NSF: variants seen among roughly 807,000 people sequenced by gnomAD.
The protein encoded by NSF is N-ethylmaleimide sensitive factor, vesicle fusing ATPase.
Under a neutral mutation model 50.3 loss-of-function variants are expected in NSF, and 14 were observed. That is an observed-to-expected ratio of 0.28 (90% confidence interval 0.18 to 0.44). The LOEUF is 0.44. Among genes scored for constraint, NSF ranks in the 20% least tolerant of loss-of-function variants. The probability of loss-of-function intolerance (pLI) is 1.00; values close to 1 mark genes in which losing one functional copy is unlikely to be tolerated. For missense variants in NSF, 218 were observed against 504.3 expected (o/e 0.43, Z 5.44); for synonymous variants, 109 against 175.7 (o/e 0.62, Z 3.00).
chr17:46,749,950 A>G, intron 18 of NSF, 43 bp downstream of exon 18: 1 of 1,596,366 alleles, frequency 6.3e-7, no homozygotes, highest in South Asian at 1.1e-5. Flanking sequence ...ATAAGAAAGG[A>G]ATTGAGGCTG....
chr17:46,721,209 C>T (rs1423877471), intron 15 of NSF, among the ~76,000 whole-genome samples: 1 of 152,236 alleles, frequency 6.6e-6, no homozygotes, highest in Non-Finnish European at 1.5e-5. Context: ...CCCCTCCAGC[C>T]TGTGTCGTAC....
chr17:46,745,549 G>A (rs936416742), intron 17 of NSF, among the ~76,000 whole-genome samples: 1 of 152,304 alleles, frequency 6.6e-6, no homozygotes, highest in South Asian at 2.1e-4. Context: ...AACTGGCAGC[G>A]ATTTTAAAAG....
chr17:46,745,990 G>A (rs940584510), intron 17 of NSF, among the ~76,000 whole-genome samples: 11 of 152,008 alleles, frequency 7.2e-5, no homozygotes, highest in African/African-American at 2.4e-4. Context: ...CATTCCTTAC[G>A]ACTCAACTCA....
At chr17:46,723,313 T>C (rs1340252365) in intron 15 of NSF, among the ~76,000 whole-genome samples, 1 of 152,214 alleles carries the variant, frequency 6.6e-6, no homozygotes, top group East Asian at 1.9e-4. Flanking sequence ...AGTAGAATTC[T>C]GAAAAATGTT....
At chr17:46,676,150 C>T (rs1372258772) in intron 9 of NSF, among the ~76,000 whole-genome samples, 8 of 140,916 alleles carry the variant, frequency 5.7e-5, no homozygotes, top group East Asian at 4.7e-4. Flanking sequence ...TATCTGCTGC[C>T]ACCACAGGGA....
At chr17:46,725,666 A>C (rs2058881416) in intron 15 of NSF, among the ~76,000 whole-genome samples, 1 of 152,154 alleles carries the variant, frequency 6.6e-6, no homozygotes, top group Non-Finnish European at 1.5e-5. Flanking sequence ...GATACCCAGG[A>C]AGGAATATAT....
In NSF at chr17:46,718,041, T is replaced by C. The variant is rs552510069; in HGVS notation, c.1761+4055T>C. Among the ~76,000 whole-genome samples the C allele has an allele frequency of 1.3e-4, 20 of 152,330 alleles. No homozygotes were observed. The South Asian group carries it at 4.1e-3, about 32-fold the overall frequency. On this transcript the variant is annotated intron_variant, in intron 15 of 20. Coordinates refer to ENST00000398238, the MANE Select transcript of NSF (RefSeq NM_006178.4). ...TCCTGATTGAGCAGCTGGCCATCTT[T>C]CTCCCTCAGAGTGACACCAGTAATG... is the stretch of plus-strand genomic sequence containing the variant.
At chr17:46,718,066 G>A (rs936607422) in intron 15 of NSF, among the ~76,000 whole-genome samples, 1 of 152,200 alleles carries the variant, frequency 6.6e-6, no homozygotes, top group African/African-American at 2.4e-5. Context: ...CACCAGTAAT[G>A]CCCCACAGAC....
At position 46,735,253 on chromosome 17, in the gene NSF, A is replaced by T. The variant is rs527485003; in HGVS notation, c.1908+6319A>T. Among the ~76,000 whole-genome samples, 5 of 152,328 alleles carry T rather than the reference A, an allele frequency of 3.3e-5. 1 individual carries two copies. Among genetic ancestry groups the T allele is most frequent in the African/African-American group, 1.2e-4 (5 of 41,572 alleles). On this transcript the variant is annotated intron_variant, in intron 17 of 20. Coordinates refer to ENST00000398238, the MANE Select transcript of NSF (RefSeq NM_006178.4). Reference sequence around the variant, plus strand: ...ACTCAAAATTAAATATCTAAATTTTAATCATCAGAGAAATGCTAATAGTGT... The same window carrying T: ...ACTCAAAATTAAATATCTAAATTTTTATCATCAGAGAAATGCTAATAGTGT...
rs373952637 is a variant in NSF at position 46,736,176 on chromosome 17, C to G, written c.1908+7242C>G. Among the ~76,000 whole-genome samples the G allele has an allele frequency of 9.9e-4, 150 of 152,270 alleles. 1 individual carries two copies. Among genetic ancestry groups the G allele is most frequent in the South Asian group, 3.5e-3 (17 of 4,826 alleles). ...TTTAGAAGCTTCCTACATCCTAAGA[C>G]AAATACTCTTGTCTGGGGATTAGGG... On this transcript the variant is annotated intron_variant, in intron 17 of 20. Transcript: ENST00000398238.
intron 15 of NSF, among the ~76,000 whole-genome samples, chr17:46,714,578 G>A (rs907502970): frequency 2.6e-5 from 4 of 152,110 alleles, no homozygotes; most frequent in South Asian, 2.1e-4. Context: ...GAATCCTAGA[G>A]CTGAAAAGAC....
chr17:46,721,519 G>A (rs184953556), intron 15 of NSF: 1 of 1,011,096 alleles, frequency 9.9e-7, no homozygotes, highest in Non-Finnish European at 1.5e-6. Context: ...ATAGAACTGG[G>A]CTGACTATAC....
rs2059235548 is a variant in NSF, at chr17:46,756,494, T to C, written c.*671T>C. The C allele has an allele frequency of 6.6e-6, 1 of 152,258 alleles. No individual in the cohort carries two copies. Among genetic ancestry groups the C allele is most frequent in the Non-Finnish European group, 1.5e-5 (1 of 68,050 alleles). 9.4% of individuals were successfully genotyped at this position (152,258 alleles called of 1,614,324 possible). A position where few individuals can be genotyped will look rare whatever the true frequency, so the allele number is the denominator to read the frequency against. The stretch of plus-strand genomic sequence containing the variant: ...GTTGTGACTTCCCCTTAAGTATAAC[T>C]AATTTGCTCTGTGGTAAGAGATATG... On this transcript the variant is annotated 3_prime_UTR_variant, in exon 21 of 21. Coordinates refer to ENST00000398238, the MANE Select transcript of NSF (RefSeq NM_006178.4).
intron 17 of NSF, among the ~76,000 whole-genome samples, chr17:46,731,643 C>T (rs2058950121): frequency 6.6e-6 from 1 of 152,022 alleles, no homozygotes; most frequent in South Asian, 2.1e-4. Flanking sequence ...TTAAAAAGAA[C>T]ATGGAGTGAA....
chr17:46,738,005 A>G (rs866532348), intron 17 of NSF, among the ~76,000 whole-genome samples: 39 of 151,748 alleles, frequency 2.6e-4, no homozygotes, highest in African/African-American at 7.5e-4. Flanking sequence ...CGCAGTCTCA[A>G]TCACTGCAGC....
At chr17:46,755,486 C>T (rs762386996) in intron 20 of NSF, 117 bp downstream of exon 20, 4 of 935,344 alleles carry the variant, frequency 4.3e-6, no homozygotes, top group South Asian at 2.9e-5. Context: ...TTGAATTCTT[C>T]GCTGTGTTGT....
At chr17:46,745,669 A>G (rs1192017018) in intron 17 of NSF, among the ~76,000 whole-genome samples, 2 of 152,236 alleles carry the variant, frequency 1.3e-5, no homozygotes, top group African/African-American at 4.8e-5. Flanking sequence ...ATTATGGACT[A>G]TGGAACATTA....
chr17:46,711,247 A>G (rs1206557111), intron 14 of NSF, 128 bp downstream of exon 14: 1 of 881,778 alleles, frequency 1.1e-6, no homozygotes, highest in Non-Finnish European at 1.6e-6. Context: ...ATCTGAAAAT[A>G]GTAATCCAAT....
chr17:46,720,794 C>T (rs945025583), intron 15 of NSF, among the ~76,000 whole-genome samples: 2 of 152,134 alleles, frequency 1.3e-5, no homozygotes, highest in African/African-American at 2.4e-5. Context: ...TTTCAGCTCC[C>T]AGAAGAACCA....
Sources: gnomAD v4.1 joint callset for allele counts (sites outside exome capture counted in the v4.1 genomes callset) on GRCh38, gnomAD v4.1.1 for gene constraint, MANE v1.5 for transcripts, NCBI Gene and HGNC (gene_info 2026-07-23, HGNC 2026-07-21) for gene names.